PRDX3: variants seen among roughly 807,000 people sequenced by gnomAD.
PRDX3 encodes thioredoxin-dependent peroxide reductase, mitochondrial.
PRDX3 carries 20 observed loss-of-function variants against 30.4 expected under a neutral mutation model. The ratio of observed to expected loss-of-function variants is 0.66; its 90% CI spans 0.46 to 0.96. The LOEUF (loss-of-function observed/expected upper bound fraction) is 0.96. PRDX3 is among the 40% of genes least tolerant of loss of function. The probability of loss-of-function intolerance (pLI) is 0.00; values close to 1 mark genes in which losing one functional copy is unlikely to be tolerated. For synonymous variants in PRDX3, 124 were observed against 117.8 expected (o/e 1.05, Z -0.34); for missense variants, 322 against 318.3 (o/e 1.01, Z -0.09).
intron 1 of PRDX3, among the ~76,000 whole-genome samples, chr10:119,178,543 G>C (rs573361177): frequency 6.6e-6 from 1 of 152,212 alleles, no homozygotes; most frequent in Non-Finnish European, 1.5e-5. Context: ...GGAGGGACTC[G>C]GGGAAGAGAC....
chr10:119,170,751 C>T (rs1327463370), intron 5 of PRDX3: 1 of 151,734 alleles, frequency 6.6e-6, no homozygotes, highest in Non-Finnish European at 1.5e-5. Context: ...AAAAATTGGC[C>T]GGGCGTGGTG....
At chr10:119,177,951 G>A (rs897514301) in intron 1 of PRDX3, among the ~76,000 whole-genome samples, 2 of 149,590 alleles carry the variant, frequency 1.3e-5, no homozygotes, top group South Asian at 4.2e-4. Context: ...CGCGATCTCG[G>A]CTCGCTGCAG....
intron 2 of PRDX3, among the ~76,000 whole-genome samples, chr10:119,175,434 C>T (rs928541154): frequency 6.6e-6 from 1 of 152,178 alleles, no homozygotes; most frequent in Admixed American, 6.5e-5. Flanking sequence ...TCGCTCTGTT[C>T]GCCCAGGCTG....
chr10:119,169,497 A>C (rs1847855641), intron 5 of PRDX3, 155 bp from the exon 6 acceptor site: 1 of 631,198 alleles, frequency 1.6e-6, no homozygotes, highest in Non-Finnish European at 2.6e-6. Context: ...TGTGCAAAAA[A>C]CTTATCATCT....
chr10:119,170,756 G>T (rs1042408967), intron 5 of PRDX3: 1 of 151,880 alleles, frequency 6.6e-6, no homozygotes, highest in African/African-American at 2.4e-5. Context: ...TTGGCCGGGC[G>T]TGGTGGCGTG....
At chr10:119,171,448 T>TC (rs1176943815) in intron 5 of PRDX3, among the ~76,000 whole-genome samples, 1 of 152,188 alleles carries the variant, frequency 6.6e-6, no homozygotes. Context: ...GCCCTATCCC[T>TC]CCTTCACTCC....
chr10:119,177,493 A>G (rs1848064833), intron 1 of PRDX3, among the ~76,000 whole-genome samples: 1 of 151,856 alleles, frequency 6.6e-6, no homozygotes, highest in African/African-American at 2.4e-5. Flanking sequence ...CTCCATCTCT[A>G]CTAAAAACAC....
rs541897292 is a variant in PRDX3, at chr10:119,168,930, G to A, written c.717+247C>T. ...GGAGCTTGCAGTGAGCTGAGAGAGCGCCACTGCACTCCAGCCTGGGCGAGA... is the reference window on the plus strand; with the variant it reads ...GGAGCTTGCAGTGAGCTGAGAGAGCACCACTGCACTCCAGCCTGGGCGAGA... On this transcript the variant is annotated intron_variant, in intron 6 of 6. Coordinates refer to ENST00000298510, the MANE Select transcript of PRDX3 (RefSeq NM_006793.5). Among the ~76,000 whole-genome samples, 20 of 145,034 alleles carry A rather than the reference G, an allele frequency of 1.4e-4. No individual in the cohort carries two copies. In the South Asian group the frequency reaches 3.5e-3, roughly 25 times the overall value.
rs1312661655 is a variant in PRDX3 at position 119,177,093 on chromosome 10, C to G, written c.97G>C (p.Ala33Pro). The change falls in exon 2 of 7, where the codon GCT becomes CCT. Residue 33 changes from alanine to proline, a missense_variant. Ala to Pro is a conservative substitution (Grantham distance 27, BLOSUM62 -1). Transcript: ENST00000298510. Reference protein sequence around the residue: ...GISATAALRPAACGRTSLTNL... With the variant: ...GISATAALRPPACGRTSLTNL... ...GTCAAGCTCGTTCTTCCACATGCAG[C>G]AGGCCTGAGGGCTGCAGTGGCAGAA... is the stretch of plus-strand genomic sequence containing the variant. The G allele has an allele frequency of 6.2e-7, 1 of 1,614,018 alleles. No homozygotes were observed. Among genetic ancestry groups the G allele is most frequent in the Non-Finnish European group, 8.5e-7 (1 of 1,179,924 alleles).
At chr10:119,177,881 C>CTTTT (rs141498625) in intron 1 of PRDX3, among the ~76,000 whole-genome samples, 12 of 134,718 alleles carry the variant, frequency 8.9e-5, no homozygotes, top group African/African-American at 2.0e-4. Context: ...GTTTACTCAA[C>CTTTT]TTTTTTTTTT....
In PRDX3 at chr10:119,177,102, G is replaced by GGCA. The variant is rs1848048804; in HGVS notation, c.87_88insTGC (p.Ala29_Leu30insCys). ...GTTCTTCCACATGCAGCAGGCCTGA[G>GGCA]GGCTGCAGTGGCAGAAATGCCCCAA... On this transcript the variant is annotated inframe_insertion, in exon 2 of 7. Transcript: ENST00000298510. The GGCA allele has an allele frequency of 2.5e-6, 4 of 1,613,782 alleles. No individual in the cohort carries two copies. In the East Asian group the frequency reaches 8.9e-5, roughly 36 times the overall value.
At chr10:119,169,413 T>C in intron 5 of PRDX3, 71 bp from the exon 6 acceptor site, 1 of 1,291,994 alleles carries the variant, frequency 7.7e-7, no homozygotes, top group East Asian at 2.5e-5. Context: ...TCTTCCCTTT[T>C]AGGTCTTTAA....
Position 119,175,701 on chromosome 10 carries a change from G to T in PRDX3, c.170-1109C>A, listed in dbSNP as rs1042502736. On this transcript the variant is annotated intron_variant, in intron 2 of 6. Coordinates refer to ENST00000298510, the MANE Select transcript of PRDX3 (RefSeq NM_006793.5). ...TGAGCCACAGTGCCTGGCTGAGATG[G>T]GGGTTTTTAGGAAGATTAGTCCGGC... Among the ~76,000 whole-genome samples the T allele has an allele frequency of 2.0e-5, 3 of 151,878 alleles. No individual in the cohort carries two copies. In the South Asian group the frequency reaches 6.2e-4, roughly 32 times the overall value.
chr10:119,171,368 C>T (rs1847904927), intron 5 of PRDX3, among the ~76,000 whole-genome samples: 1 of 152,154 alleles, frequency 6.6e-6, no homozygotes, highest in African/African-American at 2.4e-5. Flanking sequence ...CTGACCAGCC[C>T]CCAGCAAAAC....
intron 5 of PRDX3, chr10:119,171,061 GAC>G (rs1489229469): frequency 1.9e-5 from 3 of 155,056 alleles, no homozygotes; most frequent in African/African-American, 7.3e-5. Flanking sequence ...TTGCTTTTGA[GAC>G]AGAGTCTTGC....
At chr10:119,168,832 C>T (rs1412831191) in intron 6 of PRDX3, among the ~76,000 whole-genome samples, 12 of 152,046 alleles carry the variant, frequency 7.9e-5, no homozygotes, top group Admixed American at 4.6e-4. Flanking sequence ...AAAAATTAGC[C>T]GTGGTGGTGG....
At chr10:119,173,288 T>C (rs895607229) in intron 4 of PRDX3, among the ~76,000 whole-genome samples, 8 of 152,010 alleles carry the variant, frequency 5.3e-5, no homozygotes, top group Non-Finnish European at 1.2e-4. Context: ...TTCTCAAACA[T>C]AGACATGGAA....
At chr10:119,176,957 G>T in intron 2 of PRDX3, 64 bp downstream of exon 2, 1 of 1,601,702 alleles carries the variant, frequency 6.2e-7, no homozygotes, top group Non-Finnish European at 8.5e-7. Context: ...CAGAGCCCCT[G>T]TCCAGAGACG....
rs1025510416 is a variant in PRDX3 at position 119,169,361 on chromosome 10, T to A, written c.552-19A>T. On this transcript the variant is annotated intron_variant, in intron 5 of 6. Transcript: ENST00000298510. ...GAGACCTCTGCATGATCATTTATCC[T>A]CATCAGTGCCTCAACAGTACCAGAA... 6.2e-7 allele frequency: 1 copy of A among 1,608,454 alleles called. No homozygotes were observed.
Sources: allele counts gnomAD v4.1 joint callset (sites outside exome capture counted in the v4.1 genomes callset), GRCh38; gene constraint gnomAD v4.1.1; transcripts MANE v1.5; gene names NCBI Gene and HGNC (gene_info 2026-07-23, HGNC 2026-07-21).